Variants in VWA8 observed in about 807,000 individuals in gnomAD.
VWA8 encodes von Willebrand factor A domain containing 8, also known as von Willebrand factor A domain-containing protein 8.
VWA8 carries 221 observed loss-of-function variants against 241.5 expected under a neutral mutation model. The ratio of observed to expected loss-of-function variants is 0.91; its 90% CI spans 0.82 to 1.02. The LOEUF is 1.02. Among genes scored for constraint, VWA8 ranks in the 50% least tolerant of loss-of-function variants. The pLI is 0.00. For synonymous variants in VWA8, 852 were observed against 827.1 expected, an observed-to-expected ratio of 1.03 and a Z score of -0.52; for missense variants, 2,322 against 2,328.7, an observed-to-expected ratio of 1.00 and a Z score of 0.06.
chr13:41,824,471 G>T (rs1871094550), intron 14 of VWA8, among the ~76,000 whole-genome samples: 1 of 152,160 alleles, frequency 6.6e-6, no homozygotes, highest in South Asian at 2.1e-4. Context: ...CCTAAGGAGA[G>T]ATATCTAGTA....
intron 26 of VWA8, among the ~76,000 whole-genome samples, chr13:41,704,628 A>AT (rs1243861996): frequency 1.3e-5 from 2 of 151,812 alleles, no homozygotes; most frequent in Non-Finnish European, 2.9e-5. Context: ...TGCCTGGCTA[A>AT]TTTTTTTATT....
At chr13:41,880,900 T>C (rs528315332) in intron 9 of VWA8, among the ~76,000 whole-genome samples, 12 of 152,322 alleles carry the variant, frequency 7.9e-5, no homozygotes, top group South Asian at 4.1e-4. Context: ...CTGTGTCTCA[T>C]AGAGGCTCCA....
At chr13:41,600,891 T>C (rs1012954118) in intron 40 of VWA8, among the ~76,000 whole-genome samples, 3 of 152,138 alleles carry the variant, frequency 2.0e-5, no homozygotes, top group Non-Finnish European at 2.9e-5. Flanking sequence ...TCAATTACGC[T>C]GGCTCAGGTG....
chr13:41,605,374 G>A (rs2139656623), intron 39 of VWA8, 98 bp from the exon 40 acceptor site: 1 of 1,139,936 alleles, frequency 8.8e-7, no homozygotes, highest in Non-Finnish European at 1.3e-6. Context: ...CAAACTCCTT[G>A]GAAACTCAGA....
chr13:41,632,313 T>C (rs565873795), intron 37 of VWA8, among the ~76,000 whole-genome samples: 25 of 152,206 alleles, frequency 1.6e-4, no homozygotes, highest in Non-Finnish European at 5.9e-5. Flanking sequence ...AAAGCTATTC[T>C]GTTTTCCATC....
chr13:41,704,168 T>G (rs2045268254), intron 26 of VWA8, among the ~76,000 whole-genome samples: 1 of 152,192 alleles, frequency 6.6e-6, no homozygotes, highest in African/African-American at 2.4e-5. Flanking sequence ...GCATCTTAAT[T>G]TTTTTCACTT....
intron 1 of VWA8, among the ~76,000 whole-genome samples, chr13:41,958,318 A>T (rs1250144999): frequency 6.6e-6 from 1 of 152,242 alleles, no homozygotes; most frequent in African/African-American, 2.4e-5. Flanking sequence ...CTTACTAGGT[A>T]CAAAGTGTTG....
At chr13:41,724,191 T>C (rs925801418) in intron 24 of VWA8, among the ~76,000 whole-genome samples, 2 of 152,150 alleles carry the variant, frequency 1.3e-5, no homozygotes, top group African/African-American at 4.8e-5. Flanking sequence ...TAAGAACAGT[T>C]TCTGTGGAGT....
intron 17 of VWA8, among the ~76,000 whole-genome samples, chr13:41,797,852 T>C (rs1244380116): frequency 6.6e-6 from 1 of 152,206 alleles, no homozygotes; most frequent in African/African-American, 2.4e-5. Flanking sequence ...TTTAAAATCT[T>C]AATCAGAATC....
intron 10 of VWA8, among the ~76,000 whole-genome samples, chr13:41,867,177 A>G (rs1873350556): frequency 6.6e-6 from 1 of 152,200 alleles, no homozygotes; most frequent in Admixed American, 6.5e-5. Context: ...TTCTGAACAT[A>G]TTGTTTAAAC....
At chr13:41,755,679 A>T (rs1363835335) in intron 21 of VWA8, among the ~76,000 whole-genome samples, 5 of 151,950 alleles carry the variant, frequency 3.3e-5, no homozygotes, top group African/African-American at 1.2e-4. Flanking sequence ...AAAGTAAGGC[A>T]TGGTATCTCT....
chr13:41,909,038 G>A (rs185804821), intron 3 of VWA8, among the ~76,000 whole-genome samples: 4 of 150,328 alleles, frequency 2.7e-5, no homozygotes, highest in Non-Finnish European at 3.0e-5. Flanking sequence ...CTTTATGTAC[G>A]TAAAGGAGGA....
At chr13:41,930,487 A>G (rs1301272452) in intron 2 of VWA8, among the ~76,000 whole-genome samples, 1 of 152,226 alleles carries the variant, frequency 6.6e-6, no homozygotes, top group African/African-American at 2.4e-5. Flanking sequence ...TAAATGAATA[A>G]AGAAACCATG....
intron 9 of VWA8, among the ~76,000 whole-genome samples, chr13:41,870,882 C>G (rs985649271): frequency 6.6e-6 from 1 of 151,960 alleles, no homozygotes. Flanking sequence ...AATAGTAGGC[C>G]AGAATACACT....
chr13:41,866,552 A>AT (rs1402952714), intron 10 of VWA8, among the ~76,000 whole-genome samples: 2 of 151,848 alleles, frequency 1.3e-5, no homozygotes, highest in African/African-American at 2.4e-5. Flanking sequence ...AGCAGCAACT[A>AT]TTTTTTCATT....
intron 2 of VWA8, among the ~76,000 whole-genome samples, chr13:41,917,119 TTAAAG>T (rs1482081587): frequency 6.6e-6 from 1 of 152,196 alleles, no homozygotes; most frequent in African/African-American, 2.4e-5. Flanking sequence ...TTCAAAGGCT[TTAAAG>T]TAATTTTATC....
chr13:41,940,742 G>A (rs530461953), intron 2 of VWA8, among the ~76,000 whole-genome samples: 1 of 152,208 alleles, frequency 6.6e-6, no homozygotes, highest in East Asian at 1.9e-4. Context: ...CAACTCCTTA[G>A]CCGAATTTTT....
At chr13:41,671,989 G>A (rs925367467) in intron 36 of VWA8, among the ~76,000 whole-genome samples, 2 of 152,256 alleles carry the variant, frequency 1.3e-5, no homozygotes, top group South Asian at 2.1e-4. Flanking sequence ...AAAATACACT[G>A]TAATTTACTG....
At chr13:41,952,681 TAATA>T (rs1878187072) in intron 1 of VWA8, among the ~76,000 whole-genome samples, 2 of 152,118 alleles carry the variant, frequency 1.3e-5, no homozygotes, top group African/African-American at 4.8e-5. Flanking sequence ...ATCATCCTTC[TAATA>T]AATAATCTAG....
Sources: allele counts gnomAD v4.1 joint callset (sites outside exome capture counted in the v4.1 genomes callset), GRCh38; gene constraint gnomAD v4.1.1; transcripts MANE v1.5; gene names NCBI Gene and HGNC (gene_info 2026-07-23, HGNC 2026-07-21).